STK32C: variants seen among roughly 807,000 people sequenced by gnomAD.
STK32C encodes serine/threonine-protein kinase 32C.
Under a neutral mutation model 56.5 loss-of-function variants are expected in STK32C, and 31 were observed. The observed-to-expected ratio is 0.55, with a 90% confidence interval of 0.41 to 0.74. The LOEUF is 0.74. STK32C is among the 30% of genes least tolerant of loss of function. The pLI, the probability that STK32C is intolerant of heterozygous loss-of-function variation, is 0.00. For synonymous variants in STK32C, 309 were observed against 289.4 expected (o/e 1.07, Z -0.69); for missense variants, 544 against 676.9 (o/e 0.80, Z 2.18).
rs113607684 is a variant in STK32C, at chr10:132,252,851, G to A, written c.263-6896C>T. Reference sequence around the variant, plus strand: ...CTATGAGAGTCGCCATCTGAATCCCGCTAAGTGACCCGAGCGTGGGGCCGC... The same window carrying A: ...CTATGAGAGTCGCCATCTGAATCCCACTAAGTGACCCGAGCGTGGGGCCGC... On this transcript the variant is annotated intron_variant, in intron 1 of 11. Coordinates refer to ENST00000298630, the MANE Select transcript of STK32C (RefSeq NM_173575.4). Among the ~76,000 whole-genome samples the A allele has an allele frequency of 1.6e-3, 243 of 152,290 alleles. 1 individual carries two copies. Among genetic ancestry groups the A allele is most frequent in the African/African-American group, 5.5e-3 (230 of 41,538 alleles).
intron 1 of STK32C, among the ~76,000 whole-genome samples, chr10:132,271,594 C>T (rs2064827264): frequency 6.6e-6 from 1 of 152,232 alleles, no homozygotes; most frequent in South Asian, 2.1e-4. Flanking sequence ...GTGGCGTCAG[C>T]ATGACACGGT....
chr10:132,307,857 A>T lies in STK32C; in HGVS notation c.-24T>A, dbSNP rs1280967869. 1 of 1,145,392 alleles carries T rather than the reference A, an allele frequency of 8.7e-7. No homozygotes were observed. The highest frequency in any genetic ancestry group is 1.1e-6 in the Non-Finnish European group (1 of 925,668). The allele number at this position is 1,145,392 out of a possible 1,614,324, so 71.0% of individuals were successfully genotyped here. A position where few individuals can be genotyped will look rare whatever the true frequency, so the allele number is the denominator to read the frequency against. ...ATCGCCGGGTCTGGGTGCGCGCGGC[A>T]GCCGGAACTCGGGGCATGGCCGGCC... is the stretch of plus-strand genomic sequence containing the variant. On this transcript the variant is annotated 5_prime_UTR_variant, in exon 1 of 12. Transcript: ENST00000298630. This position sits in a 1 kb window ranked among gnomAD's most constrained non-coding sequence, Gnocchi z 4.4.
At chr10:132,223,047 G>A (rs866557740) in intron 8 of STK32C, 61 bp from the exon 9 acceptor site, 51 of 1,516,290 alleles carry the variant, frequency 3.4e-5, no homozygotes, top group Middle Eastern at 2.3e-4. Context: ...GGAATAGCCC[G>A]CCACCCCCAG....
At chr10:132,262,727 C>G (rs1195977902) in intron 1 of STK32C, among the ~76,000 whole-genome samples, 3 of 135,442 alleles carry the variant, frequency 2.2e-5, no homozygotes, top group Non-Finnish European at 4.6e-5. Context: ...GTACTCCGGC[C>G]TGGTGACAAG....
At chr10:132,239,171 T>C (rs75048732) in intron 2 of STK32C, among the ~76,000 whole-genome samples, 1 of 152,326 alleles carries the variant, frequency 6.6e-6, no homozygotes, top group African/African-American at 2.4e-5. Context: ...CTGGTGGGTA[T>C]TTTATAGATG....
intron 1 of STK32C, among the ~76,000 whole-genome samples, chr10:132,278,400 G>C (rs1397459046): frequency 2.6e-5 from 4 of 152,218 alleles, no homozygotes; most frequent in African/African-American, 9.6e-5. Context: ...TCTTGACCAG[G>C]AAGATACACA....
intron 1 of STK32C, among the ~76,000 whole-genome samples, chr10:132,259,904 C>T (rs1250041554): frequency 2.0e-5 from 3 of 152,214 alleles, no homozygotes; most frequent in African/African-American, 7.2e-5. Context: ...GTGTTTTCAA[C>T]TGGCCTGAAT....
chr10:132,283,890 C>T (rs372490673), intron 1 of STK32C, among the ~76,000 whole-genome samples: 1 of 152,192 alleles, frequency 6.6e-6, no homozygotes, highest in Non-Finnish European at 1.5e-5. Context: ...GAGTCCAGCC[C>T]CGCCCCATCC....
intron 11 of STK32C, among the ~76,000 whole-genome samples, chr10:132,208,615 G>C (rs11146250): frequency 6.6e-6 from 1 of 152,134 alleles, no homozygotes. Context: ...GGGCCCCACC[G>C]TGGCAGCTGC....
chr10:132,307,713 C>CA lies in STK32C; in HGVS notation c.120dup (p.Gly41TrpfsTer43). The CA allele has an allele frequency of 7.4e-7, 1 of 1,347,694 alleles. No homozygotes were observed. The highest frequency in any genetic ancestry group is 9.6e-7 in the Non-Finnish European group (1 of 1,039,720). The allele number at this position is 1,347,694 out of a possible 1,614,324, so 83.5% of individuals were successfully genotyped here. A position where few individuals can be genotyped will look rare whatever the true frequency, so the allele number is the denominator to read the frequency against. ...CCCGAGTCCCGGGCCCGGGGCTGGC[C>CA]AGCAGCGGGCGGCGGCAGGGCCGAG... On this transcript the variant is annotated frameshift_variant, in exon 1 of 12. Transcript: ENST00000298630. LOFTEE classifies it high-confidence loss of function. The surrounding 1 kb of genome is among the most constrained non-coding windows in gnomAD (Gnocchi z 4.4).
intron 1 of STK32C, among the ~76,000 whole-genome samples, chr10:132,303,405 C>T (rs528137344): frequency 3.3e-5 from 5 of 152,310 alleles, no homozygotes; most frequent in Non-Finnish European, 5.9e-5. Flanking sequence ...AAGGCAAGGC[C>T]GGACGCAGCC....
At chr10:132,323,359 C>T (rs968493288), downstream of STK32C, among the ~76,000 whole-genome samples, 2 of 152,182 alleles carry the variant, frequency 1.3e-5, no homozygotes, top group Admixed American at 6.5e-5. This position sits in a 1 kb window ranked among gnomAD's most constrained non-coding sequence, Gnocchi z 4.8. Context: ...ACTGTATGGA[C>T]TGAATAGTGC....
chr10:132,224,606 C>A lies in STK32C; in HGVS notation c.877-83G>T, dbSNP rs1193885829. 3.0e-6 allele frequency: 3 copies of A among 1,011,456 alleles called. No individual in the cohort carries two copies. The African/African-American group carries it at 4.8e-5, about 16-fold the overall frequency. The allele number at this position is 1,011,456 out of a possible 1,614,324, so 62.7% of individuals were successfully genotyped here. A position where few individuals can be genotyped will look rare whatever the true frequency, so the allele number is the denominator to read the frequency against. On this transcript the variant is annotated intron_variant, in intron 7 of 11. Coordinates refer to ENST00000298630, the MANE Select transcript of STK32C (RefSeq NM_173575.4). ...AATGCCAGACACAGGTGCCATCGCC[C>A]TGAGAGGACCCCCTCCCCCCACCCC...
At chr10:132,308,371 C>A (rs991701356), upstream of STK32C, among the ~76,000 whole-genome samples, 14 of 152,288 alleles carry the variant, frequency 9.2e-5, no homozygotes, top group Admixed American at 6.5e-4. Context: ...CCGGGGGCCT[C>A]CCTCCCCTGC....
intron 1 of STK32C, among the ~76,000 whole-genome samples, chr10:132,315,188 T>A (rs7897844): frequency 0.014 from 2,195 of 151,976 alleles, 45 homozygotes; most frequent in South Asian, 0.045. Flanking sequence ...GAAGCTGGAA[T>A]CCATCATTCT....
intron 1 of STK32C, among the ~76,000 whole-genome samples, chr10:132,278,280 C>T (rs2065047155): frequency 6.6e-6 from 1 of 152,096 alleles, no homozygotes; most frequent in South Asian, 2.1e-4. Flanking sequence ...ACATGCCATG[C>T]CTCCGTGAGT....
chr10:132,215,318 T>C (rs889880792), intron 10 of STK32C, among the ~76,000 whole-genome samples: 2 of 152,136 alleles, frequency 1.3e-5, no homozygotes, highest in African/African-American at 4.8e-5. Context: ...TTGTCTTTTA[T>C]AGAGCTGGTG....
At chr10:132,332,227 C>G (rs1220550861), upstream of STK32C, 1 of 153,892 alleles carries the variant, frequency 6.5e-6, no homozygotes, top group Non-Finnish European at 1.4e-5. Context: ...GCGGGGCTCG[C>G]CAGCGCTTCA....
intron 1 of STK32C, among the ~76,000 whole-genome samples, chr10:132,254,995 G>A (rs35822932): frequency 0.032 from 4,836 of 151,074 alleles, 114 homozygotes; most frequent in Non-Finnish European, 0.054. Context: ...CCACTCATCC[G>A]GAAGAGGCCC....
Sources: allele counts gnomAD v4.1 joint callset (sites outside exome capture counted in the v4.1 genomes callset), GRCh38; gene constraint gnomAD v4.1.1; non-coding constraint Gnocchi (gnomAD v3.1); transcripts MANE v1.5; gene names NCBI Gene and HGNC (gene_info 2026-07-23, HGNC 2026-07-21).